SSX2IP: variants seen among roughly 807,000 people sequenced by gnomAD.
The protein encoded by SSX2IP is afadin- and alpha-actinin-binding protein.
SSX2IP carries 55 observed loss-of-function variants against 84.9 expected under a neutral mutation model. That is an observed-to-expected ratio of 0.65 (90% CI 0.52 to 0.81). The LOEUF is 0.81. SSX2IP is among the 30% of genes least tolerant of loss of function. The probability of loss-of-function intolerance (pLI) is 0.00; values close to 1 mark genes in which losing one functional copy is unlikely to be tolerated. For synonymous variants in SSX2IP, 239 were observed against 234.7 expected (o/e 1.02, Z -0.17); for missense variants, 664 against 705.2 (o/e 0.94, Z 0.66).
intron 11 of SSX2IP, chr1:84,655,476 C>T (rs1348593410): frequency 7.7e-7 from 1 of 1,303,642 alleles, no homozygotes; most frequent in Non-Finnish European, 1.0e-6. Context: ...TTTTAAACAG[C>T]AAATATAGTC....
chr1:84,655,958 T>C lies in SSX2IP; in HGVS notation c.1263A>G (p.Arg421=), dbSNP rs369959702. The part of the protein sequence containing the change: ...AYDDDTTSLL[R]DCYLLEEKER... ...CCTTTTCTTCCAACAAATAACAGTC[T>C]CGTAATAGTGAAGTGGTATCATCAT... The change falls in exon 11 of 14, where the codon CGA becomes CGG. Residue 421 remains arginine, a synonymous_variant. Transcript: ENST00000342203. 6.8e-6 allele frequency: 11 copies of C among 1,613,572 alleles called. No homozygotes were observed. In the African/African-American group the frequency reaches 9.3e-5, roughly 14 times the overall value.
intron 9 of SSX2IP, among the ~76,000 whole-genome samples, chr1:84,656,993 T>C (rs1651210414): frequency 1.3e-5 from 2 of 152,202 alleles, no homozygotes; most frequent in Non-Finnish European, 2.9e-5. Context: ...ATAAACAGCA[T>C]TGACTCAAAT....
At chr1:84,659,229 G>GA (rs1288810516) in intron 8 of SSX2IP, among the ~76,000 whole-genome samples, 1 of 152,168 alleles carries the variant, frequency 6.6e-6, no homozygotes, top group Non-Finnish European at 1.5e-5. Flanking sequence ...AAGATGAAAA[G>GA]AAAGAAGGGC....
chr1:84,663,757 A>G (rs1003304194), intron 6 of SSX2IP, among the ~76,000 whole-genome samples: 1 of 152,156 alleles, frequency 6.6e-6, no homozygotes, highest in Non-Finnish European at 1.5e-5. Flanking sequence ...CTCTTCAATA[A>G]ATAAATACAC....
chr1:84,679,141 T>TA (rs1654748600), intron 1 of SSX2IP, among the ~76,000 whole-genome samples: 2 of 128,158 alleles, frequency 1.6e-5, no homozygotes, highest in Non-Finnish European at 3.5e-5. Flanking sequence ...AATTCAGTCC[T>TA]AAAACTTAAC....
chr1:84,650,478 C>T lies in SSX2IP; in HGVS notation c.1554G>A (p.Lys518=), dbSNP rs1281478239. The change falls in exon 13 of 14, where the codon AAG becomes AAA. Residue 518 remains lysine (K), a synonymous_variant. Transcript: ENST00000342203. ...GAGACCCATTAGACACACTGTGAGG[C>T]TTCTTTTGCGGCTGCCTCGAGTGCA... ...LIVHSRQPQK[K]PHSVSNGSPV... 2.0e-5 allele frequency: 32 copies of T among 1,614,030 alleles called. No individual in the cohort carries two copies. The highest frequency in any genetic ancestry group is 2.7e-5 in the Non-Finnish European group (32 of 1,180,044).
chr1:84,658,492 G>C (rs376837092), intron 8 of SSX2IP, 24 bp from the exon 9 acceptor site: 2 of 1,607,450 alleles, frequency 1.2e-6, no homozygotes, highest in African/African-American at 2.7e-5. Context: ...GAGATGAAGA[G>C]GAAAGGCTAG....
intron 8 of SSX2IP, among the ~76,000 whole-genome samples, chr1:84,660,574 T>C (rs1651798159): frequency 6.6e-6 from 1 of 152,174 alleles, no homozygotes; most frequent in Admixed American, 6.5e-5. Flanking sequence ...GAGACCAGCC[T>C]GACCAACATG....
chr1:84,659,615 T>C (rs892537638), intron 8 of SSX2IP, among the ~76,000 whole-genome samples: 4 of 151,748 alleles, frequency 2.6e-5, no homozygotes, highest in East Asian at 1.9e-4. Flanking sequence ...CTGTCCAACA[T>C]GGTGAAACCC....
intron 4 of SSX2IP, among the ~76,000 whole-genome samples, chr1:84,668,470 C>T (rs935446236): frequency 1.5e-4 from 23 of 152,102 alleles, no homozygotes; most frequent in Admixed American, 1.4e-3. Flanking sequence ...ATAAGATGCA[C>T]AAAAGCCTAA....
intron 13 of SSX2IP, among the ~76,000 whole-genome samples, chr1:84,649,223 T>TA (rs1422691773): frequency 6.6e-6 from 1 of 152,174 alleles, no homozygotes; most frequent in Non-Finnish European, 1.5e-5. Context: ...GAGTCATAGG[T>TA]ACACGTGGGT....
chr1:84,683,126 G>A (rs1655316774), intron 1 of SSX2IP, among the ~76,000 whole-genome samples: 1 of 151,670 alleles, frequency 6.6e-6, no homozygotes, highest in Non-Finnish European at 1.5e-5. Context: ...ACAGGAGAGG[G>A]GGAAGGATAC....
intron 6 of SSX2IP, 76 bp from the exon 7 acceptor site, chr1:84,662,606 C>T (rs1027465515): frequency 2.0e-4 from 300 of 1,489,854 alleles, no homozygotes; most frequent in Middle Eastern, 3.5e-4. Context: ...ATTCTATACA[C>T]GTAAGTGGTG....
intron 8 of SSX2IP, among the ~76,000 whole-genome samples, chr1:84,661,986 T>C (rs1302719406): frequency 1.3e-5 from 2 of 152,180 alleles, no homozygotes; most frequent in Non-Finnish European, 2.9e-5. Context: ...CATGTATTAA[T>C]TCCCCGGAAA....
intron 1 of SSX2IP, 124 bp from the exon 2 acceptor site, chr1:84,671,432 T>C: frequency 3.2e-6 from 2 of 633,204 alleles, no homozygotes. Context: ...CCTATTCCCA[T>C]GCACAGATAT....
intron 13 of SSX2IP, 135 bp from the exon 14 acceptor site, chr1:84,647,742 AT>A: frequency 2.1e-6 from 1 of 473,574 alleles, no homozygotes; most frequent in Non-Finnish European, 3.1e-6. Context: ...ATAATTTAAA[AT>A]TTTACTTGGA....
chr1:84,686,453 A>G (rs890949918), intron 1 of SSX2IP, among the ~76,000 whole-genome samples: 12 of 152,354 alleles, frequency 7.9e-5, no homozygotes, highest in African/African-American at 2.6e-4. Context: ...ACAGAGGAGT[A>G]AAGTTAGTAA....
At chr1:84,648,315 A>G (rs1422522077) in intron 13 of SSX2IP, among the ~76,000 whole-genome samples, 2 of 152,246 alleles carry the variant, frequency 1.3e-5, no homozygotes, top group Non-Finnish European at 2.9e-5. Context: ...AGGCTAGTTA[A>G]CAATGAATAC....
rs1320901963 is a variant in SSX2IP at position 84,662,589 on chromosome 1, C to CT, written c.674-60dup. The CT allele has an allele frequency of 2.5e-4, 385 of 1,561,084 alleles. 2 individuals are homozygous for CT. The highest frequency in any genetic ancestry group is 3.3e-4 in the Non-Finnish European group (372 of 1,136,164). ...CATACATGCTTAAGCATCTAAAACT[C>CT]TAATGCATTCTATACACGTAAGTGG... is the stretch of plus-strand genomic sequence containing the variant. On this transcript the variant is annotated intron_variant, in intron 6 of 13. Transcript: ENST00000342203.
Sources: allele counts gnomAD v4.1 joint callset (sites outside exome capture counted in the v4.1 genomes callset), GRCh38; gene constraint gnomAD v4.1.1; transcripts MANE v1.5; gene names NCBI Gene and HGNC (gene_info 2026-07-23, HGNC 2026-07-21).